Variants in TNIK observed in about 807,000 individuals in gnomAD.
The protein encoded by TNIK is TRAF2 and NCK-interacting protein kinase.
In TNIK, 49 loss-of-function variants were observed where a neutral mutation model predicts 191.3. The observed-to-expected ratio is 0.26, with a 90% CI of 0.20 to 0.32. The LOEUF is 0.32. TNIK is among the 10% of genes least tolerant of loss of function. TNIK has a pLI of 1.00. For missense variants in TNIK, 1,155 were observed against 1,702.3 expected, an observed-to-expected ratio of 0.68 and a Z score of 5.66; for synonymous variants, 594 against 600.9, an observed-to-expected ratio of 0.99 and a Z score of 0.17.
At chr3:171,088,548 T>C (rs897205500) in intron 23 of TNIK, among the ~76,000 whole-genome samples, 2 of 152,220 alleles carry the variant, frequency 1.3e-5, no homozygotes, top group Admixed American at 6.5e-5. Context: ...TATTTTATAA[T>C]GTATATAATG....
chr3:171,435,091 A>G (rs1351006182), intron 1 of TNIK, among the ~76,000 whole-genome samples: 1 of 152,182 alleles, frequency 6.6e-6, no homozygotes, highest in Non-Finnish European at 1.5e-5. Flanking sequence ...CTTTCCCCTC[A>G]TGGTTGTCAG....
chr3:171,084,007 G>T, intron 26 of TNIK, 148 bp downstream of exon 26: 1 of 1,086,440 alleles, frequency 9.2e-7, no homozygotes, highest in Non-Finnish European at 1.2e-6. Flanking sequence ...TTTCTCCTGA[G>T]GTCAAGATAG....
chr3:171,100,795 GTACATATAAATA>G (rs1395335945), intron 22 of TNIK, among the ~76,000 whole-genome samples: 1 of 146,336 alleles, frequency 6.8e-6, no homozygotes, highest in Admixed American at 6.8e-5. Context: ...GAAAATGTAG[GTACATATAAATA>G]TACATGTAAA....
intron 2 of TNIK, among the ~76,000 whole-genome samples, chr3:171,271,963 C>A (rs1014922387): frequency 1.3e-5 from 2 of 152,218 alleles, no homozygotes; most frequent in African/African-American, 4.8e-5. Flanking sequence ...TTCCTTGACA[C>A]AACAGGCACC....
chr3:171,269,515 A>G (rs1748832238), intron 2 of TNIK, among the ~76,000 whole-genome samples: 1 of 152,216 alleles, frequency 6.6e-6, no homozygotes, highest in African/African-American at 2.4e-5. Flanking sequence ...CATACATCAC[A>G]CAATGTTCCC....
chr3:171,064,009 C>T, intron 32 of TNIK, 45 bp from the exon 33 acceptor site: 1 of 1,572,532 alleles, frequency 6.4e-7, no homozygotes, highest in Non-Finnish European at 8.7e-7. Flanking sequence ...ATGGTCTTTT[C>T]CCCTCTTTTC....
intron 2 of TNIK, among the ~76,000 whole-genome samples, chr3:171,345,135 C>T (rs1242375451): frequency 1.3e-5 from 2 of 152,182 alleles, no homozygotes; most frequent in Non-Finnish European, 2.9e-5. Context: ...TTCAACACAA[C>T]TACTGCTTCC....
chr3:171,220,857 C>G (rs541371115), intron 3 of TNIK, among the ~76,000 whole-genome samples: 5 of 152,102 alleles, frequency 3.3e-5, no homozygotes, highest in Non-Finnish European at 7.4e-5. Context: ...TAGACAGTAG[C>G]CCCCAGGCCT....
intron 1 of TNIK, among the ~76,000 whole-genome samples, chr3:171,375,684 CTAAA>C (rs1717114909): frequency 6.6e-6 from 1 of 152,182 alleles, no homozygotes; most frequent in African/African-American, 2.4e-5. Context: ...TATAAGAACA[CTAAA>C]TAACACCACT....
intron 2 of TNIK, among the ~76,000 whole-genome samples, chr3:171,240,985 T>C (rs930344706): frequency 5.3e-5 from 8 of 152,046 alleles, no homozygotes; most frequent in Non-Finnish European, 1.0e-4. Context: ...ATTCCTAACC[T>C]CTTTGTGGAA....
chr3:171,221,689 C>A (rs955895924), intron 3 of TNIK, among the ~76,000 whole-genome samples: 2 of 152,128 alleles, frequency 1.3e-5, no homozygotes, highest in Admixed American at 1.3e-4. Flanking sequence ...CTTGTGATTT[C>A]AGCCTTCAGC....
At chr3:171,303,545 A>G (rs1753104925) in intron 2 of TNIK, among the ~76,000 whole-genome samples, 1 of 152,228 alleles carries the variant, frequency 6.6e-6, no homozygotes, top group South Asian at 2.1e-4. Flanking sequence ...AAACATATGC[A>G]TATAGAATAT....
chr3:171,330,487 T>G (rs1399782891), intron 2 of TNIK, among the ~76,000 whole-genome samples: 1 of 152,200 alleles, frequency 6.6e-6, no homozygotes, highest in East Asian at 1.9e-4. Context: ...CTTCTAGAGA[T>G]AGAGTGTATA....
In TNIK at chr3:171,364,017, G is replaced by T. The variant is rs1307435929; in HGVS notation, c.123+5603C>A. 3.9e-5 allele frequency among the ~76,000 whole-genome samples: 6 copies of T among 152,298 alleles called. No individual in the cohort carries two copies. The East Asian group carries it at 1.2e-3, about 29-fold the overall frequency. On this transcript the variant is annotated intron_variant, in intron 2 of 32. Coordinates refer to ENST00000436636, the MANE Select transcript of TNIK (RefSeq NM_015028.4). Reference sequence around the variant, plus strand: ...AATGATTACAAAAAGTATAGGATTAGCATTCACTCAAGTGACCTATAACAG... The same window carrying T: ...AATGATTACAAAAAGTATAGGATTATCATTCACTCAAGTGACCTATAACAG...
At position 171,116,935 on chromosome 3, in the gene TNIK, G is replaced by A. The variant is rs564706291; in HGVS notation, c.2121-6058C>T. On this transcript the variant is annotated intron_variant, in intron 18 of 32. Coordinates refer to ENST00000436636, the MANE Select transcript of TNIK (RefSeq NM_015028.4). ...ATTGCCTATTGATATTGCAGTCTGA[G>A]CAATTCCCAGCTACATATGCATGAG... 4.6e-5 allele frequency among the ~76,000 whole-genome samples: 7 copies of A among 152,338 alleles called. 1 individual carries two copies. In the South Asian group the frequency reaches 1.4e-3, roughly 32 times the overall value.
chr3:171,111,882 CAGAGAGTAGAATG>C (rs944958700), intron 18 of TNIK, among the ~76,000 whole-genome samples: 1 of 152,116 alleles, frequency 6.6e-6, no homozygotes, highest in Non-Finnish European at 1.5e-5. Context: ...CTCATAGAAA[CAGAGAGTAGAATG>C]ATAGTTGCCA....
rs144554498 is a variant in TNIK at position 171,393,388 on chromosome 3, G to C, written c.58-23703C>G. Among the ~76,000 whole-genome samples, 147 of 152,332 alleles carry C rather than the reference G, an allele frequency of 9.6e-4. 1 individual carries two copies. In the East Asian group the frequency reaches 0.023, roughly 24 times the overall value. ...GGAAATACCCAGCTGCTGCAGGAGA[G>C]AGCAGCTTACAAACAGCAATTTCCC... On this transcript the variant is annotated intron_variant, in intron 1 of 32. Coordinates refer to ENST00000436636, the MANE Select transcript of TNIK (RefSeq NM_015028.4).
At chr3:171,369,495 A>G (rs1472922115) in intron 2 of TNIK, 125 bp downstream of exon 2, 3 of 606,094 alleles carry the variant, frequency 4.9e-6, no homozygotes, top group Non-Finnish European at 8.3e-6. Context: ...AGAGTCAATC[A>G]ACAAGTATAT....
At chr3:171,222,959 A>G (rs1448256149) in intron 3 of TNIK, among the ~76,000 whole-genome samples, 2 of 152,144 alleles carry the variant, frequency 1.3e-5, no homozygotes, top group African/African-American at 4.8e-5. Flanking sequence ...ACCTGCTTAC[A>G]TTTCTTTTAT....
Sources: allele counts gnomAD v4.1 joint callset (sites outside exome capture counted in the v4.1 genomes callset), GRCh38; gene constraint gnomAD v4.1.1; transcripts MANE v1.5; gene names NCBI Gene and HGNC (gene_info 2026-07-23, HGNC 2026-07-21).